The following KIAA0825 variants were observed in gnomAD, a reference collection of about 807,000 sequenced individuals.
KIAA0825 encodes KIAA0825, also known as uncharacterized protein KIAA0825.
A neutral mutation model predicts 147.6 loss-of-function variants in KIAA0825; 119 were observed. That is an observed-to-expected ratio of 0.81 (90% CI 0.69 to 0.94). The LOEUF is 0.94. Ranked by LOEUF, KIAA0825 falls within the 40% of genes least tolerant of loss-of-function variation. The pLI is 0.00. For missense variants in KIAA0825, 1,381 were observed against 1,472.7 expected, an observed-to-expected ratio of 0.94 and a Z score of 1.02; for synonymous variants, 470 against 518.1, an observed-to-expected ratio of 0.91 and a Z score of 1.26.
chr5:94,531,385 G>C (rs1282859304), intron 3 of KIAA0825, among the ~76,000 whole-genome samples: 1 of 152,138 alleles, frequency 6.6e-6, no homozygotes, highest in Non-Finnish European at 1.5e-5. Context: ...CACCATGAGA[G>C]AGTCTTTTTC....
At chr5:94,521,046 T>G in intron 4 of KIAA0825, 129 bp from the exon 5 acceptor site, 1 of 857,216 alleles carries the variant, frequency 1.2e-6, no homozygotes, top group Non-Finnish European at 1.7e-6. Context: ...TTTTATTTTT[T>G]TGCATTTGAA....
At chr5:94,308,394 A>G (rs997078762) in intron 20 of KIAA0825, among the ~76,000 whole-genome samples, 6 of 151,886 alleles carry the variant, frequency 4.0e-5, no homozygotes, top group African/African-American at 1.4e-4. Flanking sequence ...CTCTCAATCC[A>G]GTATTGGTTT....
intron 6 of KIAA0825, among the ~76,000 whole-genome samples, chr5:94,478,333 T>C (rs539777074): frequency 6.6e-6 from 1 of 152,302 alleles, no homozygotes; most frequent in South Asian, 2.1e-4. Context: ...AAAGTTTTCA[T>C]CAACTCTAGT....
intron 1 of KIAA0825, among the ~76,000 whole-genome samples, chr5:94,607,730 T>C (rs1372767500): frequency 6.6e-6 from 1 of 152,220 alleles, no homozygotes; most frequent in East Asian, 1.9e-4. Flanking sequence ...CTTACAGTTG[T>C]CTAGGTCAGA....
At position 94,151,818 on chromosome 5, in the gene KIAA0825, A is replaced by G. The variant is rs1043510147; in HGVS notation, c.*2189T>C. Among the ~76,000 whole-genome samples the G allele has an allele frequency of 2.0e-5, 3 of 152,214 alleles. No homozygotes were observed. Among genetic ancestry groups the G allele is most frequent in the South Asian group, 2.1e-4 (1 of 4,830 alleles). On this transcript the variant is annotated 3_prime_UTR_variant, in exon 21 of 21. Transcript: ENST00000682413. ...ATCCTGTAATTTTATAAGATGTTGT[A>G]TCTAGTTTATTGGATTAATTTATTT...
intron 13 of KIAA0825, among the ~76,000 whole-genome samples, chr5:94,442,211 C>T (rs1323794969): frequency 6.6e-6 from 1 of 152,190 alleles, no homozygotes. Context: ...CGAAGCACCT[C>T]CCCCTTGGCT....
chr5:94,483,786 T>A (rs756143776), intron 6 of KIAA0825, among the ~76,000 whole-genome samples: 3 of 151,870 alleles, frequency 2.0e-5, no homozygotes, highest in Non-Finnish European at 4.4e-5. Flanking sequence ...TTTGTGACAT[T>A]ACTTACGTGG....
chr5:94,608,660 A>G (rs1241980601), intron 1 of KIAA0825, among the ~76,000 whole-genome samples: 1 of 146,956 alleles, frequency 6.8e-6, no homozygotes, highest in Non-Finnish European at 1.5e-5. Context: ...ACTTTGATTA[A>G]CCTTTGTATA....
chr5:94,581,597 AT>A (rs1222055991), intron 2 of KIAA0825, among the ~76,000 whole-genome samples: 1 of 152,226 alleles, frequency 6.6e-6, no homozygotes, highest in East Asian at 1.9e-4. Flanking sequence ...TCGTGATAGC[AT>A]GTCAGCCTTT....
chr5:94,588,400 A>G (rs1156468170), intron 1 of KIAA0825, among the ~76,000 whole-genome samples: 1 of 152,242 alleles, frequency 6.6e-6, no homozygotes, highest in Non-Finnish European at 1.5e-5. Context: ...CACTTTTCAA[A>G]AGAAGACATT....
chr5:94,197,508 G>T (rs772719221), intron 20 of KIAA0825, among the ~76,000 whole-genome samples: 3 of 152,116 alleles, frequency 2.0e-5, no homozygotes, highest in Non-Finnish European at 2.9e-5. Flanking sequence ...TGTTGCAATT[G>T]CAATTGCTTT....
At chr5:94,249,654 T>C (rs2150118355) in intron 20 of KIAA0825, among the ~76,000 whole-genome samples, 1 of 152,188 alleles carries the variant, frequency 6.6e-6, no homozygotes, top group East Asian at 1.9e-4. Flanking sequence ...TGGAATGCTC[T>C]TCTCATGGCT....
intron 20 of KIAA0825, among the ~76,000 whole-genome samples, chr5:94,378,999 T>C (rs1193622432): frequency 6.6e-6 from 1 of 152,244 alleles, no homozygotes. Flanking sequence ...AGATGGTGGA[T>C]ATTAGACCTT....
chr5:94,224,597 T>C (rs925683827), intron 20 of KIAA0825, among the ~76,000 whole-genome samples: 4 of 152,214 alleles, frequency 2.6e-5, no homozygotes, highest in Non-Finnish European at 1.5e-5. Context: ...AGGTGATGAC[T>C]ATAAATGTTT....
At position 94,593,957 on chromosome 5, in the gene KIAA0825, T is replaced by A. The variant is rs1401777918; in HGVS notation, c.-152-11374A>T. Reference sequence around the variant, plus strand: ...TTTACCACAGTGTGACCCAAATAAATCCATCCATTTAGAATCCTTGCTATT... The same window carrying A: ...TTTACCACAGTGTGACCCAAATAAAACCATCCATTTAGAATCCTTGCTATT... On this transcript the variant is annotated intron_variant, in intron 1 of 20. Transcript: ENST00000682413. 1.5e-5 allele frequency: 7 copies of A among 460,656 alleles called. No individual in the cohort carries two copies. The Admixed American group carries it at 1.9e-4, about 12-fold the overall frequency. The allele number at this position is 460,656 out of a possible 1,614,324, so 28.5% of individuals were successfully genotyped here.
intron 20 of KIAA0825, among the ~76,000 whole-genome samples, chr5:94,196,189 C>T (rs1771111928): frequency 6.6e-6 from 1 of 152,156 alleles, no homozygotes; most frequent in South Asian, 2.1e-4. Context: ...GCTTCACTTG[C>T]CCATTGGGTA....
At chr5:94,518,130 G>A (rs560021243) in intron 5 of KIAA0825, among the ~76,000 whole-genome samples, 1 of 152,246 alleles carries the variant, frequency 6.6e-6, no homozygotes, top group East Asian at 1.9e-4. Context: ...TGAGCATAAA[G>A]ATACAGACAT....
chr5:94,194,749 A>G (rs892620329), intron 20 of KIAA0825, among the ~76,000 whole-genome samples: 19 of 152,130 alleles, frequency 1.2e-4, no homozygotes, highest in Admixed American at 3.9e-4. Context: ...CTGGACCCAT[A>G]TTCAATTTCC....
intron 6 of KIAA0825, among the ~76,000 whole-genome samples, chr5:94,482,221 G>T (rs1762573196): frequency 6.6e-6 from 1 of 151,880 alleles, no homozygotes; most frequent in Admixed American, 6.6e-5. Flanking sequence ...GGCCAATTTG[G>T]CTAAGTCTAC....
Sources: allele counts gnomAD v4.1 joint callset (sites outside exome capture counted in the v4.1 genomes callset), GRCh38; gene constraint gnomAD v4.1.1; transcripts MANE v1.5; gene names NCBI Gene and HGNC (gene_info 2026-07-23, HGNC 2026-07-21).